CLCN3: variants seen among roughly 807,000 people sequenced by gnomAD.
CLCN3 encodes H(+)/Cl(-) exchange transporter 3.
Under a neutral mutation model 83.4 loss-of-function variants are expected in CLCN3, and 16 were observed. The ratio of observed to expected loss-of-function variants is 0.19; its 90% CI spans 0.13 to 0.29. The LOEUF is 0.29. Among genes scored for constraint, CLCN3 ranks in the 10% least tolerant of loss-of-function variants. The pLI is 1.00. For missense variants in CLCN3, 544 were observed against 1,006.0 expected (o/e 0.54, Z 6.21); for synonymous variants, 322 against 346.2 (o/e 0.93, Z 0.78).
At chr4:169,664,364 T>TG (rs1172834081) in intron 2 of CLCN3, among the ~76,000 whole-genome samples, 1 of 152,252 alleles carries the variant, frequency 6.6e-6, no homozygotes, top group Non-Finnish European at 1.5e-5. Context: ...AATAGAGGTT[T>TG]GTTCCTTTTT....
At chr4:169,646,001 A>T (rs555191629) in intron 2 of CLCN3, among the ~76,000 whole-genome samples, 2 of 152,060 alleles carry the variant, frequency 1.3e-5, no homozygotes, top group African/African-American at 4.8e-5. Flanking sequence ...TTTCCTATGT[A>T]CATAGTTCTG....
chr4:169,698,460 G>C (rs1405970504), intron 9 of CLCN3, among the ~76,000 whole-genome samples: 2 of 151,912 alleles, frequency 1.3e-5, no homozygotes, highest in African/African-American at 4.8e-5. Context: ...CTAGGGTGGT[G>C]GCCTCAGGGA....
At chr4:169,686,480 G>A (rs559141986) in intron 3 of CLCN3, among the ~76,000 whole-genome samples, 6 of 150,752 alleles carry the variant, frequency 4.0e-5, no homozygotes, top group African/African-American at 1.2e-4. Context: ...GCAGTGGCAC[G>A]ATCTCTGCTC....
chr4:169,649,426 T>A (rs1730670533), intron 2 of CLCN3, among the ~76,000 whole-genome samples: 1 of 152,186 alleles, frequency 6.6e-6, no homozygotes, highest in Non-Finnish European at 1.5e-5. Context: ...GCAAATGGAC[T>A]GTTAGGTGGT....
intron 1 of CLCN3, among the ~76,000 whole-genome samples, chr4:169,630,692 G>A (rs1260848494): frequency 2.0e-5 from 3 of 151,874 alleles, no homozygotes; most frequent in African/African-American, 7.2e-5. Flanking sequence ...CATCACTCCC[G>A]GCTAATTTTT....
chr4:169,626,897 A>G (rs756110222), intron 1 of CLCN3, among the ~76,000 whole-genome samples: 1 of 152,192 alleles, frequency 6.6e-6, no homozygotes, highest in Non-Finnish European at 1.5e-5. Flanking sequence ...GATGAAAACC[A>G]ATATATATCA....
intron 2 of CLCN3, among the ~76,000 whole-genome samples, chr4:169,655,487 G>T (rs1234032299): frequency 6.6e-6 from 1 of 152,086 alleles, no homozygotes; most frequent in African/African-American, 2.4e-5. Context: ...ATTGATCATC[G>T]TGTGATGTTT....
rs1480400397 is a variant in CLCN3, at chr4:169,720,241, G to A, written c.*244G>A. 22 of 592,380 alleles carry A rather than the reference G, an allele frequency of 3.7e-5. No individual in the cohort carries two copies. Among genetic ancestry groups the A allele is most frequent in the South Asian group, 2.3e-4 (11 of 46,922 alleles). 36.7% of individuals were successfully genotyped at this position (592,380 alleles called of 1,614,324 possible). A position where few individuals can be genotyped will look rare whatever the true frequency, so the allele number is the denominator to read the frequency against. Reference sequence around the variant, plus strand: ...TATTTCCCGTCTAACAGAAAGCAGCGTATCAACTCCTATTGTTCTGCACTG... The same window carrying A: ...TATTTCCCGTCTAACAGAAAGCAGCATATCAACTCCTATTGTTCTGCACTG... On this transcript the variant is annotated 3_prime_UTR_variant, in exon 13 of 13. Transcript: ENST00000513761.
At chr4:169,675,553 A>G (rs1298932475) in intron 2 of CLCN3, among the ~76,000 whole-genome samples, 3 of 152,188 alleles carry the variant, frequency 2.0e-5, no homozygotes, top group Admixed American at 6.5e-5. Flanking sequence ...TATATTCTAT[A>G]TCAAATAATG....
At chr4:169,712,411 C>G (rs1733257856) in intron 11 of CLCN3, among the ~76,000 whole-genome samples, 1 of 151,686 alleles carries the variant, frequency 6.6e-6, no homozygotes, top group East Asian at 1.9e-4. Context: ...AAGTAGGCAG[C>G]AGGACAGAAG....
chr4:169,702,777 CAAAAAAAAAAA>C (rs60812626), intron 9 of CLCN3: 109 of 246,316 alleles, frequency 4.4e-4, no homozygotes, highest in South Asian at 2.2e-3. Flanking sequence ...CCCATCTCTA[CAAAAAAAAAAA>C]AAAAAAAAAG....
intron 3 of CLCN3, among the ~76,000 whole-genome samples, chr4:169,686,307 A>G (rs1199582599): frequency 6.6e-6 from 1 of 152,004 alleles, no homozygotes; most frequent in Non-Finnish European, 1.5e-5. Flanking sequence ...ATGTACCCTA[A>G]AACTTAAAGT....
At chr4:169,651,059 G>A (rs1730718223) in intron 2 of CLCN3, among the ~76,000 whole-genome samples, 1 of 152,044 alleles carries the variant, frequency 6.6e-6, no homozygotes, top group African/African-American at 2.4e-5. Flanking sequence ...TCAAGTACTG[G>A]ATAGATATCA....
intron 9 of CLCN3, among the ~76,000 whole-genome samples, chr4:169,698,005 T>A (rs1374867188): frequency 6.6e-6 from 1 of 152,218 alleles, no homozygotes; most frequent in Non-Finnish European, 1.5e-5. Flanking sequence ...AGGGCTCAAC[T>A]GGGCAATTTT....
chr4:169,646,329 T>C (rs1480598663), intron 2 of CLCN3, among the ~76,000 whole-genome samples: 2 of 152,214 alleles, frequency 1.3e-5, no homozygotes, highest in Non-Finnish European at 2.9e-5. Flanking sequence ...TCATTCAGGC[T>C]AGAGTGCCCT....
intron 1 of CLCN3, among the ~76,000 whole-genome samples, chr4:169,629,206 CTTGA>C (rs1773306994): frequency 6.6e-6 from 1 of 152,040 alleles, no homozygotes; most frequent in South Asian, 2.1e-4. Flanking sequence ...ATGTCCTTAT[CTTGA>C]TTGTGATATT....
At position 169,688,237 on chromosome 4, in the gene CLCN3, A is replaced by C. The variant is rs913198164; in HGVS notation, c.418+480A>C. 1.5e-4 allele frequency among the ~76,000 whole-genome samples: 23 copies of C among 152,218 alleles called. 1 individual carries two copies. Among genetic ancestry groups the C allele is most frequent in the Non-Finnish European group, 2.9e-5 (2 of 68,032 alleles). On this transcript the variant is annotated intron_variant, in intron 4 of 12. Transcript: ENST00000513761. The stretch of plus-strand genomic sequence containing the variant: ...TTTGACTGAGGTCATACAGTTTAGT[A>C]AATGGCTAAACCAGGATTTGAATTA...
At chr4:169,623,228 A>G (rs1773150772) in intron 1 of CLCN3, among the ~76,000 whole-genome samples, 1 of 152,224 alleles carries the variant, frequency 6.6e-6, no homozygotes, top group African/African-American at 2.4e-5. Context: ...TTCCACAGCA[A>G]CTTTTTATTG....
intron 2 of CLCN3, among the ~76,000 whole-genome samples, chr4:169,656,064 A>G (rs1181071483): frequency 1.3e-5 from 2 of 150,884 alleles, no homozygotes; most frequent in Admixed American, 1.3e-4. Flanking sequence ...GCTTTGCTGT[A>G]TCTTTTTTTT....
Sources: allele counts gnomAD v4.1 joint callset (sites outside exome capture counted in the v4.1 genomes callset), GRCh38; gene constraint gnomAD v4.1.1; transcripts MANE v1.5; gene names NCBI Gene and HGNC (gene_info 2026-07-23, HGNC 2026-07-21).